Variants in RBFOX1 observed in about 807,000 individuals in gnomAD.
The protein encoded by RBFOX1 is RNA binding fox-1 homolog 1, also known as RNA binding protein fox-1 homolog 1.
In RBFOX1, 8 loss-of-function variants were observed where a neutral mutation model predicts 57.7. That is an observed-to-expected ratio of 0.14 (90% CI 0.08 to 0.25). RBFOX1 has a LOEUF of 0.25. RBFOX1 is among the 10% of genes least tolerant of loss of function. The pLI, the probability that RBFOX1 is intolerant of heterozygous loss-of-function variation, is 1.00. For synonymous variants in RBFOX1, 326 were observed against 222.4 expected (o/e 1.47, Z -4.15); for missense variants, 611 against 548.5 (o/e 1.11, Z -1.14).
chr16:7,699,486 C>G (rs916904960), intron 14 of RBFOX1, among the ~76,000 whole-genome samples: 4 of 152,184 alleles, frequency 2.6e-5, no homozygotes, highest in Admixed American at 6.5e-5. Context: ...GCCCACCACA[C>G]CCAGCCAACG....
intron 1 of RBFOX1, among the ~76,000 whole-genome samples, chr16:6,071,884 G>C (rs906277237): frequency 8.5e-5 from 13 of 152,142 alleles, no homozygotes; most frequent in Non-Finnish European, 1.3e-4. Context: ...ATGTCCTCCA[G>C]GTTCATAAAT....
intron 3 of RBFOX1, among the ~76,000 whole-genome samples, chr16:6,830,796 G>A (rs1318282441): frequency 1.3e-5 from 2 of 152,092 alleles, no homozygotes; most frequent in Admixed American, 6.6e-5. Context: ...GTAAGGGGTC[G>A]AGAGAGTCAT....
At chr16:5,649,991 G>A (rs1257777340) in intron 3 of RBFOX1, among the ~76,000 whole-genome samples, 3 of 152,222 alleles carry the variant, frequency 2.0e-5, no homozygotes, top group Non-Finnish European at 4.4e-5. Flanking sequence ...GGAAGAGGCA[G>A]AGTCGATGTT....
intron 1 of RBFOX1, among the ~76,000 whole-genome samples, chr16:6,259,854 A>C (rs1380415694): frequency 1.3e-5 from 2 of 151,576 alleles, no homozygotes; most frequent in Non-Finnish European, 2.9e-5. Context: ...CCAGCTACTC[A>C]GGAGGCTGAG....
At chr16:5,789,836 C>T (rs539326434) in intron 3 of RBFOX1, among the ~76,000 whole-genome samples, 1 of 152,176 alleles carries the variant, frequency 6.6e-6, no homozygotes. Flanking sequence ...CTGAATTCAC[C>T]ATACACCATG....
chr16:7,138,894 C>T (rs1212440349), intron 4 of RBFOX1, among the ~76,000 whole-genome samples: 2 of 152,082 alleles, frequency 1.3e-5, no homozygotes, highest in East Asian at 1.9e-4. Flanking sequence ...GTGCAAGCTC[C>T]GCCTCCCGGG....
At chr16:6,000,237 C>T (rs1388760868) in intron 4 of RBFOX1, among the ~76,000 whole-genome samples, 1 of 152,146 alleles carries the variant, frequency 6.6e-6, no homozygotes, top group Non-Finnish European at 1.5e-5. Flanking sequence ...GCGATGCTTC[C>T]TCTGAAGCTG....
intron 3 of RBFOX1, among the ~76,000 whole-genome samples, chr16:6,707,657 G>T (rs182838568): frequency 6.6e-6 from 1 of 152,142 alleles, no homozygotes; most frequent in East Asian, 1.9e-4. Flanking sequence ...GAAAGGAAGG[G>T]CATGTACATT....
At chr16:6,122,004 C>G (rs35423376) in intron 1 of RBFOX1, among the ~76,000 whole-genome samples, 49,803 of 152,004 alleles carry the variant, frequency 0.33, 9,382 homozygotes, top group Non-Finnish European at 0.43. Flanking sequence ...CTCCGGGGTT[C>G]AAGCAATTCT....
intron 5 of RBFOX1, among the ~76,000 whole-genome samples, chr16:7,545,641 A>T (rs4786180): frequency 0.034 from 5,196 of 152,086 alleles, 270 homozygotes; most frequent in African/African-American, 0.12. Context: ...GTACGTTTAG[A>T]ATTAGAGCCA....
intron 4 of RBFOX1, among the ~76,000 whole-genome samples, chr16:7,421,611 G>A (rs746447235): frequency 2.6e-5 from 4 of 152,200 alleles, no homozygotes; most frequent in Admixed American, 6.5e-5. Context: ...GAAGACTGCC[G>A]AGGCCCCCAG....
chr16:6,853,228 G>C (rs149851074), intron 3 of RBFOX1, among the ~76,000 whole-genome samples: 18 of 152,282 alleles, frequency 1.2e-4, no homozygotes, highest in African/African-American at 4.3e-4. Context: ...GAGCATTAAT[G>C]ATAGTATGTA....
chr16:6,695,221 A>G (rs113475381), intron 3 of RBFOX1, among the ~76,000 whole-genome samples: 175 of 152,098 alleles, frequency 1.2e-3, no homozygotes, highest in African/African-American at 4.0e-3. Context: ...GGAGTTTGAG[A>G]CCAGCTTGGC....
intron 3 of RBFOX1, among the ~76,000 whole-genome samples, chr16:6,779,961 ATT>A: frequency 2.5e-5 from 1 of 40,788 alleles, no homozygotes; most frequent in African/African-American, 1.1e-4. Context: ...ATATTTATAT[ATT>A]TATATATATT....
chr16:7,150,094 C>T (rs1287653540), intron 4 of RBFOX1, among the ~76,000 whole-genome samples: 1 of 152,202 alleles, frequency 6.6e-6, no homozygotes, highest in African/African-American at 2.4e-5. Context: ...GTTCTTCCCT[C>T]TCTCTTTCCT....
chr16:6,473,318 G>A (rs185066697), intron 2 of RBFOX1, among the ~76,000 whole-genome samples: 24 of 152,242 alleles, frequency 1.6e-4, no homozygotes, highest in Admixed American at 1.1e-3. Flanking sequence ...CAGACAGCAA[G>A]TGCTCAATTA....
At chr16:6,927,439 A>AT (rs2075804515) in intron 3 of RBFOX1, among the ~76,000 whole-genome samples, 3 of 149,658 alleles carry the variant, frequency 2.0e-5, no homozygotes, top group Non-Finnish European at 4.4e-5. Context: ...AAAAAAAAAA[A>AT]TCCGAACGTC....
chr16:7,482,726 T>G (rs1330913281), intron 4 of RBFOX1, among the ~76,000 whole-genome samples: 1 of 151,868 alleles, frequency 6.6e-6, no homozygotes, highest in African/African-American at 2.4e-5. Flanking sequence ...GAAGGAATTT[T>G]CCTTCCTGGG....
intron 6 of RBFOX1, among the ~76,000 whole-genome samples, chr16:7,580,271 G>C (rs1008859959): frequency 6.6e-6 from 1 of 152,038 alleles, no homozygotes; most frequent in Non-Finnish European, 1.5e-5. Context: ...AATACACATC[G>C]AGTCCTCTTG....
Sources: allele counts gnomAD v4.1 joint callset (sites outside exome capture counted in the v4.1 genomes callset), GRCh38; gene constraint gnomAD v4.1.1; transcripts MANE v1.5; gene names NCBI Gene and HGNC (gene_info 2026-07-23, HGNC 2026-07-21).